The following COL4A6 variants were observed in gnomAD, a reference collection of about 807,000 sequenced individuals.
COL4A6 encodes collagen alpha-6(IV) chain.
In COL4A6, 59 loss-of-function variants were observed where a neutral mutation model predicts 126.7. The observed-to-expected ratio is 0.47, with a 90% CI of 0.38 to 0.58. The LOEUF (loss-of-function observed/expected upper bound fraction) is 0.58, where lower values mean the gene tolerates loss of function less well. Ranked by LOEUF, COL4A6 falls within the 20% of genes least tolerant of loss-of-function variation. COL4A6 has a pLI of 0.00. For missense variants in COL4A6, 1,285 were observed against 1,337.3 expected (o/e 0.96, Z 0.61); for synonymous variants, 547 against 496.6 (o/e 1.10, Z -1.35).
Position 108,157,190 on chromosome X carries a change from C to T in COL4A6, c.4883G>A (p.Arg1628Gln), listed in dbSNP as rs1302611212. 13 of 1,210,250 alleles carry T rather than the reference C, an allele frequency of 1.1e-5. No individual in the cohort carries two copies. Among genetic ancestry groups the T allele is most frequent in the South Asian group, 1.8e-5 (1 of 56,818 alleles). Reference protein sequence around the residue: ...VSPGSCLEDFRATPFIECSGA... With the variant: ...VSPGSCLEDFQATPFIECSGA... ...ACTGCATTCGATGAAAGGAGTGGCC[C>T]GAAAGTCCTCTAGGCAGGAGCCAGG... Residue 1628 changes from arginine (R) to glutamine (Q), a missense_variant, in exon 45 of 45, where the codon CGG becomes CAG. Physicochemically the swap from Arg to Gln is conservative, Grantham distance 43 (BLOSUM62 1). Transcript: ENST00000334504.
At chrX:108,355,374 G>A (rs1167808772) in intron 2 of COL4A6, among the ~76,000 whole-genome samples, 1 of 112,073 alleles carries the variant, frequency 8.9e-6, no homozygotes. Flanking sequence ...ACAAATAAAG[G>A]TTCTTTGACA....
intron 13 of COL4A6, among the ~76,000 whole-genome samples, chrX:108,199,478 G>T (rs1027248702): frequency 2.7e-5 from 3 of 111,541 alleles, no homozygotes; most frequent in African/African-American, 9.8e-5. Context: ...GCCAAAGTGG[G>T]CTGAGAACTC....
At position 108,434,274 on chromosome X, in the gene COL4A6, G is replaced by T. The variant is rs183153981; in HGVS notation, c.63+3668C>A. ...GTTTGGCAGTCTAGTGAAGCCTATGGACTCCTTTTTAGAATACTATTTTTT... is the reference window on the plus strand; with the variant it reads ...GTTTGGCAGTCTAGTGAAGCCTATGTACTCCTTTTTAGAATACTATTTTTT... On this transcript the variant is annotated intron_variant, in intron 2 of 44. Transcript: ENST00000334504. 9.9e-5 allele frequency among the ~76,000 whole-genome samples: 11 copies of T among 111,334 alleles called. No individual in the cohort carries two copies. In the East Asian group the frequency reaches 2.8e-3, roughly 29 times the overall value.
intron 2 of COL4A6, among the ~76,000 whole-genome samples, chrX:108,381,948 C>A (rs2040566709): frequency 9.0e-6 from 1 of 111,325 alleles, no homozygotes; most frequent in Non-Finnish European, 1.9e-5. Context: ...CTCTTTATGA[C>A]TAACATCTCA....
At chrX:108,181,581 G>A (rs73636376) in intron 23 of COL4A6, among the ~76,000 whole-genome samples, 5,545 of 111,743 alleles carry the variant, frequency 0.05, 198 homozygotes, top group African/African-American at 0.12. Context: ...TCTCTTGTCC[G>A]TGACAGGCAA....
chrX:108,343,161 A>AGTGTGTG (rs1465580768), intron 2 of COL4A6, among the ~76,000 whole-genome samples: 24 of 55,598 alleles, frequency 4.3e-4, no homozygotes, highest in African/African-American at 1.6e-3. Flanking sequence ...ATATATATAT[A>AGTGTGTG]TATAGTGTGT....
intron 2 of COL4A6, among the ~76,000 whole-genome samples, chrX:108,390,076 T>C (rs1371281586): frequency 8.9e-6 from 1 of 112,187 alleles, no homozygotes; most frequent in African/African-American, 3.2e-5. Flanking sequence ...TTCTGGCTTG[T>C]AGGGTTTCTG....
intron 11 of COL4A6, among the ~76,000 whole-genome samples, chrX:108,204,985 GGA>G (rs1419657282): frequency 3.7e-5 from 4 of 107,896 alleles, no homozygotes; most frequent in East Asian, 5.8e-4. Flanking sequence ...GAGAGATAGA[GGA>G]GAGAGAGAGA....
intron 3 of COL4A6, among the ~76,000 whole-genome samples, chrX:108,310,007 T>G (rs184744121): frequency 2.8e-4 from 31 of 111,279 alleles, no homozygotes; most frequent in Middle Eastern, 4.6e-3. Context: ...TGTGTCTAAT[T>G]TTTTTTTCAG....
intron 3 of COL4A6, among the ~76,000 whole-genome samples, chrX:108,273,380 G>A (rs967704746): frequency 9.1e-6 from 1 of 110,337 alleles, no homozygotes; most frequent in African/African-American, 3.3e-5. Context: ...TACACTGTTG[G>A]TGGGACTGTA....
At chrX:108,398,303 A>G (rs1472560426) in intron 2 of COL4A6, among the ~76,000 whole-genome samples, 2 of 112,096 alleles carry the variant, frequency 1.8e-5, no homozygotes, top group Non-Finnish European at 3.8e-5. Flanking sequence ...TCAAACTCAG[A>G]AATCTTAGAT....
chrX:108,299,894 C>T (rs2038439899), intron 3 of COL4A6, among the ~76,000 whole-genome samples: 1 of 111,766 alleles, frequency 8.9e-6, no homozygotes, highest in Non-Finnish European at 1.9e-5. Flanking sequence ...GCAGACTTTT[C>T]TGCTGACCAA....
intron 2 of COL4A6, among the ~76,000 whole-genome samples, chrX:108,422,327 C>T (rs2063995057): frequency 9.0e-6 from 1 of 111,529 alleles, no homozygotes; most frequent in Non-Finnish European, 1.9e-5. Flanking sequence ...GATTATGCCA[C>T]TTCACTCCAG....
At chrX:108,189,799 G>C (rs1172210494) in intron 20 of COL4A6, among the ~76,000 whole-genome samples, 2 of 112,084 alleles carry the variant, frequency 1.8e-5, no homozygotes, top group Non-Finnish European at 3.8e-5. Flanking sequence ...TTCATTCCTA[G>C]AGATCTTGCA....
chrX:108,357,110 A>G (rs954671952), intron 2 of COL4A6, among the ~76,000 whole-genome samples: 1 of 111,810 alleles, frequency 8.9e-6, no homozygotes, highest in Non-Finnish European at 1.9e-5. Context: ...CCTTCTCAAC[A>G]TACATACATA....
At position 108,388,074 on chromosome X, in the gene COL4A6, T is replaced by C. The variant is rs893967742; in HGVS notation, c.63+49868A>G. On this transcript the variant is annotated intron_variant, in intron 2 of 44. Transcript: ENST00000334504. ...CATCCCCAGGATGAAGCCAACTTGA[T>C]CGTGGTGGATAAGCTTTTTGATGTG... 2.7e-5 allele frequency among the ~76,000 whole-genome samples: 3 copies of C among 112,126 alleles called. No individual in the cohort carries two copies. The South Asian group carries it at 1.1e-3, about 42-fold the overall frequency.
intron 3 of COL4A6, among the ~76,000 whole-genome samples, chrX:108,306,467 C>T (rs899387521): frequency 1.8e-5 from 2 of 110,969 alleles, no homozygotes; most frequent in Non-Finnish European, 3.8e-5. Flanking sequence ...TGAGGGGATA[C>T]ACAGGGAGGA....
At chrX:108,333,287 A>T (rs984950190) in intron 2 of COL4A6, among the ~76,000 whole-genome samples, 1 of 111,682 alleles carries the variant, frequency 9.0e-6, no homozygotes, top group Non-Finnish European at 1.9e-5. Context: ...AATGTGATTA[A>T]CCACATAAAC....
At chrX:108,379,903 C>A (rs1254705776) in intron 2 of COL4A6, among the ~76,000 whole-genome samples, 1 of 111,101 alleles carries the variant, frequency 9.0e-6, no homozygotes, top group Non-Finnish European at 1.9e-5. Context: ...CTTTGCCCTG[C>A]CCCTGACCCT....
Sources: allele counts gnomAD v4.1 joint callset (sites outside exome capture counted in the v4.1 genomes callset), GRCh38; gene constraint gnomAD v4.1.1; transcripts MANE v1.5; gene names NCBI Gene and HGNC (gene_info 2026-07-23, HGNC 2026-07-21).